The following DIAPH3 variants were observed in gnomAD, a reference collection of about 807,000 sequenced individuals.
DIAPH3 encodes the protein diaphanous related formin 3, also known as protein diaphanous homolog 3.
Under a neutral mutation model 144.3 loss-of-function variants are expected in DIAPH3, and 117 were observed. The observed-to-expected ratio is 0.81, with a 90% confidence interval of 0.70 to 0.95. The LOEUF (loss-of-function observed/expected upper bound fraction) is 0.95, where lower values mean the gene tolerates loss of function less well. DIAPH3 is among the 40% of genes least tolerant of loss of function. DIAPH3 has a pLI of 0.00. For missense variants in DIAPH3, 1,421 were observed against 1,412.7 expected (o/e 1.01, Z -0.09); for synonymous variants, 519 against 488.9 (o/e 1.06, Z -0.81).
At chr13:60,162,819 A>T (rs941838066) in intron 1 of DIAPH3, among the ~76,000 whole-genome samples, 23 of 151,160 alleles carry the variant, frequency 1.5e-4, no homozygotes, top group African/African-American at 1.9e-4. Flanking sequence ...TCACACACAC[A>T]CACACACACA....
At chr13:59,780,854 C>T (rs1209081309) in intron 25 of DIAPH3, among the ~76,000 whole-genome samples, 1 of 152,110 alleles carries the variant, frequency 6.6e-6, no homozygotes, top group African/African-American at 2.4e-5. Context: ...TAGCAGGGAC[C>T]TCCAGTAACT....
At chr13:60,145,939 TA>T (rs1447822690) in intron 1 of DIAPH3, among the ~76,000 whole-genome samples, 1 of 152,208 alleles carries the variant, frequency 6.6e-6, no homozygotes, top group Non-Finnish European at 1.5e-5. Flanking sequence ...TGTCAGGAAT[TA>T]TAATACAACA....
At chr13:59,721,413 T>C (rs976633245) in intron 27 of DIAPH3, among the ~76,000 whole-genome samples, 3 of 152,202 alleles carry the variant, frequency 2.0e-5, no homozygotes. Context: ...ACTGGGATTT[T>C]TATACAACCA....
intron 5 of DIAPH3, among the ~76,000 whole-genome samples, chr13:60,041,328 T>C (rs1482680782): frequency 1.3e-5 from 2 of 152,208 alleles, no homozygotes; most frequent in African/African-American, 4.8e-5. Flanking sequence ...ATTTCCTACA[T>C]GCTAAACAGC....
chr13:60,017,050 G>A (rs762656585), intron 5 of DIAPH3, among the ~76,000 whole-genome samples: 14 of 152,184 alleles, frequency 9.2e-5, no homozygotes, highest in Non-Finnish European at 1.6e-4. Flanking sequence ...TTGTATGCCT[G>A]TACTTATATA....
At chr13:59,901,328 G>A (rs759880529) in intron 20 of DIAPH3, among the ~76,000 whole-genome samples, 28 of 152,178 alleles carry the variant, frequency 1.8e-4, no homozygotes, top group Non-Finnish European at 2.9e-4. Context: ...CACAGCCACT[G>A]GCCTCACATA....
At chr13:59,883,196 A>G (rs1332038058) in intron 20 of DIAPH3, among the ~76,000 whole-genome samples, 1 of 152,086 alleles carries the variant, frequency 6.6e-6, no homozygotes, top group Non-Finnish European at 1.5e-5. Flanking sequence ...TGCCTGTCTT[A>G]AGGAGTATAA....
chr13:59,941,833 T>C (rs2048549669), intron 17 of DIAPH3, among the ~76,000 whole-genome samples: 1 of 139,168 alleles, frequency 7.2e-6, no homozygotes, highest in Non-Finnish European at 1.5e-5. Flanking sequence ...TTTCAAAGAA[T>C]AAGGCAGCAA....
In DIAPH3 at chr13:60,099,045, T is replaced by G. The variant is rs1011959640; in HGVS notation, c.391-5313A>C. Among the ~76,000 whole-genome samples the G allele has an allele frequency of 2.6e-5, 4 of 152,200 alleles. 1 individual carries two copies. In the South Asian group the frequency reaches 8.3e-4, roughly 32 times the overall value. On this transcript the variant is annotated intron_variant, in intron 3 of 27. Coordinates refer to ENST00000400324, the MANE Select transcript of DIAPH3 (RefSeq NM_001042517.2). Reference sequence around the variant, plus strand: ...AAAACATCATTTGCCAAGTCACCTATTCAAAATTTTAATCTCTCTGAAGAG... The same window carrying G: ...AAAACATCATTTGCCAAGTCACCTAGTCAAAATTTTAATCTCTCTGAAGAG...
intron 21 of DIAPH3, among the ~76,000 whole-genome samples, chr13:59,866,893 G>A (rs2043957662): frequency 6.6e-6 from 1 of 151,648 alleles, no homozygotes; most frequent in East Asian, 1.9e-4. Flanking sequence ...TGCTCAGACA[G>A]AAAGCTCAAA....
intron 4 of DIAPH3, among the ~76,000 whole-genome samples, chr13:60,092,646 G>C (rs552256152): frequency 2.0e-5 from 3 of 151,448 alleles, no homozygotes; most frequent in African/African-American, 4.9e-5. Context: ...GTGAGACTCC[G>C]TCTCAAAAGA....
intron 5 of DIAPH3, among the ~76,000 whole-genome samples, chr13:60,031,530 A>G (rs1471246712): frequency 6.6e-6 from 1 of 152,118 alleles, no homozygotes; most frequent in Non-Finnish European, 1.5e-5. Context: ...TCTAAAGTCC[A>G]AAGTGCAAAG....
chr13:59,775,086 T>G (rs1053474519), intron 25 of DIAPH3, among the ~76,000 whole-genome samples: 1 of 152,220 alleles, frequency 6.6e-6, no homozygotes, highest in Non-Finnish European at 1.5e-5. Flanking sequence ...ACTGCTTTTA[T>G]AGTCCAACAG....
rs1181870292 is a variant in DIAPH3, at chr13:60,163,774, C to A, written c.-8G>T. The A allele has an allele frequency of 6.4e-7, 1 of 1,567,876 alleles. No homozygotes were observed. Reference sequence around the variant, plus strand: ...CGGCTGGTGCCGTTCCATCTTTCCCCGCAGCTCCGGGGACCGGAAAGAAGG... The same window carrying A: ...CGGCTGGTGCCGTTCCATCTTTCCCAGCAGCTCCGGGGACCGGAAAGAAGG... On this transcript the variant is annotated 5_prime_UTR_variant, in exon 1 of 28. Transcript: ENST00000400324.
Position 59,861,313 on chromosome 13 carries a change from G to A in DIAPH3, c.2737+94C>T, listed in dbSNP as rs867038222. On this transcript the variant is annotated intron_variant, in intron 22 of 27. Transcript: ENST00000400324. ...GATATTGGGTATGAAAACACTGTGA[G>A]AAAGTGGAAAGTACATACAAATAAA... The A allele has an allele frequency of 2.5e-6, 4 of 1,599,690 alleles. No homozygotes were observed. In the Middle Eastern group the frequency reaches 5.0e-4, roughly 201 times the overall value.
intron 1 of DIAPH3, among the ~76,000 whole-genome samples, chr13:60,142,495 C>T (rs1293707805): frequency 6.6e-6 from 1 of 152,112 alleles, no homozygotes; most frequent in Non-Finnish European, 1.5e-5. Flanking sequence ...ACAGTATTTA[C>T]AACAATTTAA....
At chr13:60,104,325 T>C (rs1229479716) in intron 3 of DIAPH3, among the ~76,000 whole-genome samples, 1 of 152,142 alleles carries the variant, frequency 6.6e-6, no homozygotes, top group African/African-American at 2.4e-5. Flanking sequence ...AATAGTGGGG[T>C]TGAATTTCCA....
At position 59,754,276 on chromosome 13, in the gene DIAPH3, G is replaced by T. The variant is rs1284578199; in HGVS notation, c.3319+19913C>A. ...TGTCACAGATCTGGGTTTAATTCTT[G>T]CCTCTGTCATTTATCAGCTTTACGA... On this transcript the variant is annotated intron_variant, in intron 27 of 27. Coordinates refer to ENST00000400324, the MANE Select transcript of DIAPH3 (RefSeq NM_001042517.2). 3.1e-4 allele frequency among the ~76,000 whole-genome samples: 47 copies of T among 152,088 alleles called. 1 individual carries two copies. The highest frequency in any genetic ancestry group is 3.1e-3 in the Admixed American group (47 of 15,272).
intron 3 of DIAPH3, among the ~76,000 whole-genome samples, chr13:60,100,104 G>A (rs544231351): frequency 1.3e-5 from 2 of 152,254 alleles, no homozygotes; most frequent in Admixed American, 6.5e-5. Context: ...CTTTAAGACT[G>A]TGCAGATATC....
Sources: gnomAD v4.1 joint callset for allele counts (sites outside exome capture counted in the v4.1 genomes callset) on GRCh38, gnomAD v4.1.1 for gene constraint, MANE v1.5 for transcripts, NCBI Gene and HGNC (gene_info 2026-07-23, HGNC 2026-07-21) for gene names.